The following TOGARAM1 variants were observed in gnomAD, a reference collection of about 807,000 sequenced individuals.
TOGARAM1 encodes the protein TOG array regulator of axonemal microtubules 1, also known as TOG array regulator of axonemal microtubules protein 1.
A neutral mutation model predicts 166.6 loss-of-function variants in TOGARAM1; 100 were observed. That is an observed-to-expected ratio of 0.60 (90% confidence interval 0.51 to 0.71). The LOEUF is 0.71. Among genes scored for constraint, TOGARAM1 ranks in the 30% least tolerant of loss-of-function variants. The pLI is 0.00. For missense variants in TOGARAM1, 2,029 were observed against 2,102.7 expected, an observed-to-expected ratio of 0.96 and a Z score of 0.69; for synonymous variants, 758 against 763.8, an observed-to-expected ratio of 0.99 and a Z score of 0.13.
intron 6 of TOGARAM1, among the ~76,000 whole-genome samples, chr14:45,010,948 A>C (rs2138858369): frequency 6.6e-6 from 1 of 152,332 alleles, no homozygotes; most frequent in East Asian, 1.9e-4. Flanking sequence ...TTTAACACTG[A>C]TTTCTCACTA....
chr14:45,036,130 TAAAAAAAAAAAA>T (rs770145117), intron 11 of TOGARAM1, among the ~76,000 whole-genome samples: 1 of 29,158 alleles, frequency 3.4e-5, no homozygotes, highest in African/African-American at 8.3e-5. Flanking sequence ...ACCTTGTCTC[TAAAAAAAAAAAA>T]AAAAAAAAAA....
chr14:45,023,195 G>A (rs12888214), intron 7 of TOGARAM1, among the ~76,000 whole-genome samples: 3,520 of 152,258 alleles, frequency 0.023, 71 homozygotes, highest in Middle Eastern at 0.051. Flanking sequence ...GCTGGGATCA[G>A]TCAAGGGAAC....
chr14:45,066,901 A>G (rs1473904015), intron 17 of TOGARAM1, 134 bp downstream of exon 17: 9 of 551,836 alleles, frequency 1.6e-5, no homozygotes, highest in Non-Finnish European at 2.8e-5. Context: ...TGGGCAACAT[A>G]GCAAGACCCT....
Position 44,991,713 on chromosome 14 carries a change from A to G in TOGARAM1, c.2047-4033A>G, listed in dbSNP as rs1040964328. 2.6e-5 allele frequency among the ~76,000 whole-genome samples: 4 copies of G among 151,558 alleles called. No individual in the cohort carries two copies. The East Asian group carries it at 7.7e-4, about 29-fold the overall frequency. ...CTACATATTTACTCTGTGCCAGAGT[A>G]TCATGTGATTTATTTTTGTTTTTTT... On this transcript the variant is annotated intron_variant, in intron 1 of 19. Transcript: ENST00000361462.
Position 45,046,543 on chromosome 14 carries a change from A to T in TOGARAM1, c.4155-2A>T. 7.7e-7 allele frequency: 1 copy of T among 1,290,454 alleles called. No individual in the cohort carries two copies. Among genetic ancestry groups the T allele is most frequent in the Non-Finnish European group, 9.9e-7 (1 of 1,008,816 alleles). 79.9% of individuals were successfully genotyped at this position (1,290,454 alleles called of 1,614,324 possible). ...GTTTTAATTGATCATGTCTCCTTGT[A>T]GCCATTTACACATTGCTGTAAGAAG... On this transcript the variant is annotated splice_acceptor_variant, in intron 13 of 19. Coordinates refer to ENST00000361462, the MANE Select transcript of TOGARAM1 (RefSeq NM_001308120.2). LOFTEE classifies it high-confidence loss of function.
chr14:44,993,513 C>T (rs933792597), intron 1 of TOGARAM1, among the ~76,000 whole-genome samples: 1 of 152,150 alleles, frequency 6.6e-6, no homozygotes, highest in African/African-American at 2.4e-5. Context: ...TTTAAATAGA[C>T]TGCTTCACAT....
At chr14:45,000,128 A>G (rs1007558692) in intron 3 of TOGARAM1, among the ~76,000 whole-genome samples, 9 of 151,844 alleles carry the variant, frequency 5.9e-5, no homozygotes, top group Admixed American at 3.3e-4. Context: ...CCTCCTGACT[A>G]GCTGGGACTA....
rs780216050 is a variant in TOGARAM1, at chr14:45,009,038, G to A, written c.3030G>A (p.Pro1010=). The A allele has an allele frequency of 1.9e-5, 31 of 1,613,922 alleles. No individual in the cohort carries two copies. Among genetic ancestry groups the A allele is most frequent in the South Asian group, 4.4e-5 (4 of 91,090 alleles). Reference sequence around the variant, plus strand: ...AGCTCGACTTGACGATGGACTCCCCGTCTCTGTCTTCCTCACCAAACATCA... The same window carrying A: ...AGCTCGACTTGACGATGGACTCCCCATCTCTGTCTTCCTCACCAAACATCA... The part of the protein sequence containing the change: ...AMKLDLTMDS[P]SLSSSPNINS... Residue 1010 remains proline (P), a synonymous_variant, in exon 6 of 20, where the codon CCG becomes CCA. Transcript: ENST00000361462.
Position 45,044,666 on chromosome 14 carries a change from C to G in TOGARAM1, c.3950C>G (p.Ala1317Gly). The G allele has an allele frequency of 6.2e-7, 1 of 1,607,634 alleles. No individual in the cohort carries two copies. Among genetic ancestry groups the G allele is most frequent in the Non-Finnish European group, 8.5e-7 (1 of 1,177,384 alleles). ...AATTTACGTTCTGGAGTTTCTCGTGCTGCTGTGGTCTGTTTAAGTGATCTT... is the reference window on the plus strand; with the variant it reads ...AATTTACGTTCTGGAGTTTCTCGTGGTGCTGTGGTCTGTTTAAGTGATCTT... Reference protein sequence around the residue: ...VKNLRSGVSRAAVVCLSDLFT... With the variant: ...VKNLRSGVSRGAVVCLSDLFT... Residue 1317 changes from alanine to glycine, a missense_variant, in exon 13 of 20, where the codon GCT (alanine) becomes GGT (glycine). By Grantham distance (60) the Ala-to-Gly change is moderately conservative. Transcript: ENST00000361462.
chr14:44,994,543 C>T (rs939993949), intron 1 of TOGARAM1, among the ~76,000 whole-genome samples: 5 of 151,924 alleles, frequency 3.3e-5, no homozygotes, highest in African/African-American at 9.7e-5. Flanking sequence ...CTCAGCCTCC[C>T]GATTAGTTGG....
intron 13 of TOGARAM1, among the ~76,000 whole-genome samples, chr14:45,045,571 A>G (rs868120588): frequency 2.5e-5 from 1 of 40,770 alleles, no homozygotes; most frequent in African/African-American, 1.4e-4. Context: ...ATATATATAT[A>G]TATATATATA....
At chr14:45,044,410 G>A (rs1881878005) in intron 12 of TOGARAM1, among the ~76,000 whole-genome samples, 3 of 152,056 alleles carry the variant, frequency 2.0e-5, no homozygotes, top group Admixed American at 2.0e-4. Flanking sequence ...GCATGGTGGT[G>A]TGCATCTGTA....
chr14:45,052,566 T>C lies in TOGARAM1; in HGVS notation c.4440+4T>C. The stretch of plus-strand genomic sequence containing the variant: ...TGTTAGAAACTTACAGCAAAAGGTA[T>C]GTGGGAAAAGTTTGTTTTATAAACA... On this transcript the variant is annotated splice_donor_region_variant and intron_variant, in intron 15 of 19. Transcript: ENST00000361462. 1 of 1,585,872 alleles carries C rather than the reference T, an allele frequency of 6.3e-7. No individual in the cohort carries two copies. The highest frequency in any genetic ancestry group is 8.6e-7 in the Non-Finnish European group (1 of 1,162,474).
chr14:45,019,072 T>G (rs1880332248), intron 7 of TOGARAM1, among the ~76,000 whole-genome samples: 2 of 152,210 alleles, frequency 1.3e-5, no homozygotes, highest in African/African-American at 4.8e-5. Context: ...GAAAACCAAA[T>G]TTAGCTTTCT....
At chr14:45,045,531 T>C (rs10138405) in intron 13 of TOGARAM1, among the ~76,000 whole-genome samples, 4,773 of 93,558 alleles carry the variant, frequency 0.051, 447 homozygotes, top group African/African-American at 0.2. Flanking sequence ...TAGTATTCCA[T>C]GGTCTGTGTG....
intron 14 of TOGARAM1, among the ~76,000 whole-genome samples, chr14:45,047,113 G>A (rs1293316582): frequency 1.3e-5 from 2 of 152,008 alleles, no homozygotes; most frequent in African/African-American, 4.8e-5. Context: ...GGAATAAGGC[G>A]GGTCGTGGTG....
intron 1 of TOGARAM1, among the ~76,000 whole-genome samples, chr14:44,989,105 G>C (rs115191762): frequency 0.011 from 1,615 of 152,272 alleles, 22 homozygotes; most frequent in African/African-American, 0.037. Flanking sequence ...ACATTAAACA[G>C]CAATACATAA....
intron 1 of TOGARAM1, among the ~76,000 whole-genome samples, chr14:44,985,631 C>T (rs1382112286): frequency 6.6e-6 from 1 of 152,132 alleles, no homozygotes; most frequent in African/African-American, 2.4e-5. Flanking sequence ...GGCAATAATC[C>T]CAGTGATGGG....
intron 13 of TOGARAM1, among the ~76,000 whole-genome samples, chr14:45,045,579 ATATATGTGTG>A (rs1268965399): frequency 6.8e-3 from 239 of 34,894 alleles, no homozygotes; most frequent in African/African-American, 0.027. Flanking sequence ...ATATATATAT[ATATATGTGTG>A]TGTGTGTGTG....
Sources: gnomAD v4.1 joint callset for allele counts (sites outside exome capture counted in the v4.1 genomes callset) on GRCh38, gnomAD v4.1.1 for gene constraint, MANE v1.5 for transcripts, NCBI Gene and HGNC (gene_info 2026-07-23, HGNC 2026-07-21) for gene names.